MX2: variants seen among roughly 807,000 people sequenced by gnomAD.
The protein encoded by MX2 is interferon-induced GTP-binding protein Mx2.
MX2 carries 51 observed loss-of-function variants against 74.0 expected under a neutral mutation model. That is an observed-to-expected ratio of 0.69 (90% confidence interval 0.55 to 0.87). The LOEUF (loss-of-function observed/expected upper bound fraction) is 0.87, where lower values mean the gene tolerates loss of function less well. MX2 is among the 40% of genes least tolerant of loss of function. MX2 has a pLI of 0.00. For missense variants in MX2, 832 were observed against 908.7 expected (o/e 0.92, Z 1.09); for synonymous variants, 369 against 339.3 (o/e 1.09, Z -0.96).
intron 1 of MX2, chr21:41,372,905 C>T (rs540543614): frequency 2.6e-5 from 4 of 152,318 alleles, no homozygotes; most frequent in South Asian, 2.1e-4. Context: ...GAAATGCTTT[C>T]GCCATTTTTA....
intron 1 of MX2, among the ~76,000 whole-genome samples, chr21:41,374,304 C>T (rs942233494): frequency 3.3e-5 from 5 of 152,246 alleles, no homozygotes; most frequent in Admixed American, 1.3e-4. Context: ...ATCCTAAACC[C>T]GGACTGTGGG....
At chr21:41,384,015 G>T (rs2089534159) in intron 5 of MX2, among the ~76,000 whole-genome samples, 1 of 152,132 alleles carries the variant, frequency 6.6e-6, no homozygotes, top group Non-Finnish European at 1.5e-5. Flanking sequence ...GATCATGGGG[G>T]TGTTTTCTCC....
chr21:41,398,309 A>T (rs1051476233), intron 8 of MX2, among the ~76,000 whole-genome samples: 10 of 147,758 alleles, frequency 6.8e-5, no homozygotes, highest in South Asian at 2.1e-4. Flanking sequence ...AATTCCATCT[A>T]AAAAAAAAAA....
At chr21:41,407,178 C>G (rs1459832942) in intron 13 of MX2, among the ~76,000 whole-genome samples, 180 bp downstream of exon 13, 1 of 152,142 alleles carries the variant, frequency 6.6e-6, no homozygotes, top group African/African-American at 2.4e-5. Flanking sequence ...TACATGAACC[C>G]TATGAAGGCA....
In MX2 at chr21:41,405,440, GCTCT is replaced by G. The variant is rs2089872157; in HGVS notation, c.1651-1301_1651-1298del. ...TCGGCATGGTCAGGTGGCAGTGAGGGCTCTCTTTCAGGTTGCGGATGGCCACCAC... is the reference window on the plus strand; with the variant it reads ...TCGGCATGGTCAGGTGGCAGTGAGGGCTTTCAGGTTGCGGATGGCCACCAC... On this transcript the variant is annotated intron_variant, in intron 12 of 13. Transcript: ENST00000330714. 2.0e-5 allele frequency among the ~76,000 whole-genome samples: 3 copies of G among 152,020 alleles called. No homozygotes were observed. The South Asian group carries it at 6.2e-4, about 32-fold the overall frequency.
At chr21:41,387,300 C>A (rs940579344) in intron 5 of MX2, among the ~76,000 whole-genome samples, 3 of 152,174 alleles carry the variant, frequency 2.0e-5, no homozygotes, top group Non-Finnish European at 4.4e-5. Context: ...CATGTGAAAG[C>A]CGATTAATGC....
chr21:41,387,365 C>G (rs2089593727), intron 5 of MX2, among the ~76,000 whole-genome samples: 2 of 152,300 alleles, frequency 1.3e-5, no homozygotes, highest in South Asian at 4.1e-4. Context: ...CCAGACTGTC[C>G]CTGTGAAAGG....
At chr21:41,394,095 G>C (rs551327942) in intron 6 of MX2, among the ~76,000 whole-genome samples, 1 of 152,120 alleles carries the variant, frequency 6.6e-6, no homozygotes. Flanking sequence ...CCTGCTGTTC[G>C]AGCACTCACC....
Position 41,382,471 on chromosome 21 carries a change from C to A in MX2, c.639C>A (p.Ile213=). Residue 213 remains isoleucine (I), a synonymous_variant, in exon 5 of 14, where the codon ATC becomes ATA. Coordinates refer to ENST00000330714, the MANE Select transcript of MX2 (RefSeq NM_002463.2). ...GISHELISLE[I]TSPEVPDLTI... is the part of the protein sequence containing the mutation. The stretch of plus-strand genomic sequence containing the variant: ...GCCATGAGCTCATCAGCCTGGAGAT[C>A]ACCTCCCCTGAGGTTCCAGACCTGA... The A allele has an allele frequency of 1.9e-6, 3 of 1,614,210 alleles. No individual in the cohort carries two copies. Among genetic ancestry groups the A allele is most frequent in the Non-Finnish European group, 2.5e-6 (3 of 1,180,044 alleles).
At chr21:41,381,081 A>T (rs992996884) in intron 4 of MX2, among the ~76,000 whole-genome samples, 1 of 152,262 alleles carries the variant, frequency 6.6e-6, no homozygotes, top group African/African-American at 2.4e-5. Flanking sequence ...TGCCTGGATC[A>T]AATGGCTTTC....
chr21:41,373,159 G>A (rs547336418), intron 1 of MX2, among the ~76,000 whole-genome samples: 10 of 152,252 alleles, frequency 6.6e-5, no homozygotes, highest in Non-Finnish European at 1.5e-4. Context: ...AGTGTCTCCC[G>A]GCTGGGTGTC....
chr21:41,373,994 GCC>G (rs1204128478), intron 1 of MX2: 24 of 152,470 alleles, frequency 1.6e-4, no homozygotes, highest in African/African-American at 5.5e-4. Flanking sequence ...AGGCGCAGCA[GCC>G]CTGCCCTCCC....
chr21:41,396,133 A>G (rs1357761593), intron 7 of MX2, among the ~76,000 whole-genome samples: 1 of 152,196 alleles, frequency 6.6e-6, no homozygotes, highest in Non-Finnish European at 1.5e-5. Context: ...AATGAGGTCA[A>G]ACAAATAGTG....
At chr21:41,378,440 A>C (rs969830317) in intron 3 of MX2, among the ~76,000 whole-genome samples, 1 of 152,234 alleles carries the variant, frequency 6.6e-6, no homozygotes, top group African/African-American at 2.4e-5. Context: ...AGTCAGGTGC[A>C]GGGACCTTGC....
intron 1 of MX2, among the ~76,000 whole-genome samples, chr21:41,375,403 A>T (rs1480296498): frequency 6.6e-6 from 1 of 152,232 alleles, no homozygotes; most frequent in African/African-American, 2.4e-5. Flanking sequence ...TGGCTTAGAC[A>T]ACACACATTG....
rs915784164 is a variant in MX2, at chr21:41,377,902, C to T, written c.363C>T (p.Ile121=). The T allele has an allele frequency of 1.1e-5, 18 of 1,614,078 alleles. No individual in the cohort carries two copies. Among genetic ancestry groups the T allele is most frequent in the East Asian group, 6.7e-5 (3 of 44,892 alleles). ...GVEQDLALPA[I]AVIGDQSSGK... ...AGCAGGACCTGGCCCTGCCAGCCAT[C>T]GCCGTCATCGGGGACCAGAGCTCGG... Residue 121 remains isoleucine (I), a synonymous_variant, in exon 3 of 14, where the codon ATC becomes ATT. Coordinates refer to ENST00000330714, the MANE Select transcript of MX2 (RefSeq NM_002463.2).
At position 41,407,899 on chromosome 21, in the gene MX2, T is replaced by A. The variant is rs916626526; in HGVS notation, c.1906-92T>A. The A allele has an allele frequency of 3.3e-6, 5 of 1,532,878 alleles. No homozygotes were observed. In the Admixed American group the frequency reaches 9.1e-5, roughly 28 times the overall value. The allele number at this position is 1,532,878 out of a possible 1,614,324, so 95.0% of individuals were successfully genotyped here. ...CCACCAGGGCTTCGCCAGGCAACCA[T>A]GTGCGCATCCAGGAACTCCATGCCT... On this transcript the variant is annotated intron_variant, in intron 13 of 13. Coordinates refer to ENST00000330714, the MANE Select transcript of MX2 (RefSeq NM_002463.2).
chr21:41,408,450 C>T lies in MX2; in HGVS notation c.*217C>T. On this transcript the variant is annotated 3_prime_UTR_variant, in exon 14 of 14. Coordinates refer to ENST00000330714, the MANE Select transcript of MX2 (RefSeq NM_002463.2). Reference sequence around the variant, plus strand: ...TTCCCTGACCTTCACGAAGGGATGGCTCTCCAGTCCTTGGGTCCCGTAGCA... The same window carrying T: ...TTCCCTGACCTTCACGAAGGGATGGTTCTCCAGTCCTTGGGTCCCGTAGCA... 1 of 602,586 alleles carries T rather than the reference C, an allele frequency of 1.7e-6. No homozygotes were observed. The highest frequency in any genetic ancestry group is 2.9e-6 in the Non-Finnish European group (1 of 349,784). The allele number at this position is 602,586 out of a possible 1,614,324, so 37.3% of individuals were successfully genotyped here.
At position 41,388,579 on chromosome 21, in the gene MX2, G is replaced by A. The variant is rs1457904148; in HGVS notation, c.733-1986G>A. Among the ~76,000 whole-genome samples, 2 of 152,164 alleles carry A rather than the reference G, an allele frequency of 1.3e-5. No homozygotes were observed. Among genetic ancestry groups the A allele is most frequent in the African/African-American group, 2.4e-5 (1 of 41,436 alleles). On this transcript the variant is annotated intron_variant, in intron 5 of 13. Coordinates refer to ENST00000330714, the MANE Select transcript of MX2 (RefSeq NM_002463.2). This position sits in a 1 kb window ranked among gnomAD's most constrained non-coding sequence, Gnocchi z 4.0. ...GTGTTTATTGCCTGTCTCCCCTCCT[G>A]GGCTGTAAGGCTCTGGGGGCGTATG... is the stretch of plus-strand genomic sequence containing the variant.
Sources: gnomAD v4.1 joint callset for allele counts (sites outside exome capture counted in the v4.1 genomes callset) on GRCh38, gnomAD v4.1.1 for gene constraint, Gnocchi (gnomAD v3.1) non-coding constraint, MANE v1.5 for transcripts, NCBI Gene and HGNC (gene_info 2026-07-23, HGNC 2026-07-21) for gene names.